Variants in RABGEF1 observed in about 807,000 individuals in gnomAD.
RABGEF1 encodes the protein rab5 GDP/GTP exchange factor.
RABGEF1 carries 26 observed loss-of-function variants against 57.3 expected under a neutral mutation model. The ratio of observed to expected loss-of-function variants is 0.45; its 90% CI spans 0.33 to 0.63. RABGEF1 has a LOEUF of 0.63. Among genes scored for constraint, RABGEF1 ranks in the 20% least tolerant of loss-of-function variants. RABGEF1 has a pLI of 0.02. For synonymous variants in RABGEF1, 185 were observed against 210.7 expected, an observed-to-expected ratio of 0.88 and a Z score of 1.06; for missense variants, 464 against 607.6, an observed-to-expected ratio of 0.76 and a Z score of 2.48.
chr7:66,694,382 G>A (rs374348021), intron 1 of RABGEF1, among the ~76,000 whole-genome samples: 91 of 152,346 alleles, frequency 6.0e-4, no homozygotes, highest in African/African-American at 2.0e-3. Flanking sequence ...AAGATGGAGC[G>A]AGGATCAGTG....
chr7:66,663,335 TTGTG>T, the RABGEF1 span, among the ~76,000 whole-genome samples: 1 of 152,142 alleles, frequency 6.6e-6, no homozygotes, highest in Non-Finnish European at 1.5e-5. Flanking sequence ...CTCTATATTT[TTGTG>T]TGTGTGTCTT....
At chr7:66,774,098 T>C (rs1368466554) in intron 2 of RABGEF1, among the ~76,000 whole-genome samples, 3 of 152,258 alleles carry the variant, frequency 2.0e-5, no homozygotes, top group Admixed American at 1.3e-4. Flanking sequence ...ATGGCATCAC[T>C]ACTTACCAAG....
intron 2 of RABGEF1, among the ~76,000 whole-genome samples, chr7:66,721,346 T>C (rs1407134084): frequency 6.6e-6 from 1 of 152,222 alleles, no homozygotes; most frequent in Non-Finnish European, 1.5e-5. Context: ...TACAAATTTA[T>C]TGCCATACAG....
At chr7:66,671,334 C>T in the RABGEF1 span, among the ~76,000 whole-genome samples, 2 of 152,070 alleles carry the variant, frequency 1.3e-5, no homozygotes, top group African/African-American at 4.8e-5. Flanking sequence ...CATGTGCCAC[C>T]ACACCTGGCT....
intron 2 of RABGEF1, among the ~76,000 whole-genome samples, chr7:66,716,976 G>A (rs567584473): frequency 1.2e-4 from 19 of 152,014 alleles, no homozygotes; most frequent in Non-Finnish European, 2.4e-4. Flanking sequence ...ACGGGGTTTC[G>A]CCATGTTGGC....
At chr7:66,806,164 G>A (rs1347905182) in intron 8 of RABGEF1, among the ~76,000 whole-genome samples, 1 of 152,142 alleles carries the variant, frequency 6.6e-6, no homozygotes, top group Non-Finnish European at 1.5e-5. Flanking sequence ...TGTGTTGAGA[G>A]CCTGGGAACT....
At chr7:66,791,373 T>C (rs1812619004) in intron 4 of RABGEF1, among the ~76,000 whole-genome samples, 1 of 152,196 alleles carries the variant, frequency 6.6e-6, no homozygotes, top group African/African-American at 2.4e-5. Flanking sequence ...TCTCAGAATA[T>C]GAGGACTGCA....
the RABGEF1 span, among the ~76,000 whole-genome samples, chr7:66,675,499 C>T: frequency 6.6e-6 from 1 of 152,048 alleles, no homozygotes; most frequent in East Asian, 1.9e-4. Context: ...TGGTGAAAGA[C>T]TGGAAGCTTT....
At chr7:66,656,011 G>A in the RABGEF1 span, among the ~76,000 whole-genome samples, 11 of 152,286 alleles carry the variant, frequency 7.2e-5, no homozygotes, top group East Asian at 1.9e-4. Flanking sequence ...GGAAGGGATC[G>A]GGGAATACTT....
chr7:66,688,501 G>C (rs938413772), intron 1 of RABGEF1, among the ~76,000 whole-genome samples: 2 of 152,148 alleles, frequency 1.3e-5, no homozygotes, highest in African/African-American at 4.8e-5. Flanking sequence ...AGAGTATATA[G>C]TGTATTAGGC....
the RABGEF1 span, among the ~76,000 whole-genome samples, chr7:66,668,180 C>T: frequency 6.6e-6 from 1 of 152,226 alleles, no homozygotes; most frequent in African/African-American, 2.4e-5. Flanking sequence ...TCACTGCAAC[C>T]TTGAACTCCT....
chr7:66,742,451 G>C (rs562363603), intron 1 of RABGEF1, among the ~76,000 whole-genome samples: 1 of 152,314 alleles, frequency 6.6e-6, no homozygotes, highest in Admixed American at 6.5e-5. Flanking sequence ...AAGGAGCCGG[G>C]CATTTAGGCC....
chr7:66,725,607 T>G (rs191247189), intron 2 of RABGEF1, among the ~76,000 whole-genome samples: 3 of 152,250 alleles, frequency 2.0e-5, no homozygotes, highest in African/African-American at 7.2e-5. Context: ...ATGCTGTTTT[T>G]GTTCCATCCA....
intron 1 of RABGEF1, among the ~76,000 whole-genome samples, chr7:66,699,010 T>G (rs959312257): frequency 6.6e-6 from 1 of 152,212 alleles, no homozygotes; most frequent in Non-Finnish European, 1.5e-5. Flanking sequence ...CAGTCCCACA[T>G]GCAGCGCTGG....
At chr7:66,768,195 G>A (rs1299716295) in intron 1 of RABGEF1, among the ~76,000 whole-genome samples, 1 of 152,116 alleles carries the variant, frequency 6.6e-6, no homozygotes. Context: ...TTACTGTACT[G>A]GACAGTTAAC....
At chr7:66,661,324 C>T in the RABGEF1 span, among the ~76,000 whole-genome samples, 342 of 112,218 alleles carry the variant, frequency 3.0e-3, 1 homozygote, top group Non-Finnish European at 4.3e-3. Flanking sequence ...AAAATGAGGG[C>T]GTTACTGTGA....
the RABGEF1 span, among the ~76,000 whole-genome samples, chr7:66,657,542 C>T: frequency 2.0e-5 from 3 of 152,200 alleles, no homozygotes; most frequent in African/African-American, 7.2e-5. Flanking sequence ...AATAAGAAAG[C>T]CAGCAGTGGT....
At chr7:66,671,929 G>A in the RABGEF1 span, among the ~76,000 whole-genome samples, 1 of 149,704 alleles carries the variant, frequency 6.7e-6, no homozygotes, top group East Asian at 2.0e-4. Flanking sequence ...CAATCCTCCT[G>A]CCTCAGCTTC....
At chr7:66,659,663 C>T in the RABGEF1 span, among the ~76,000 whole-genome samples, 1 of 151,656 alleles carries the variant, frequency 6.6e-6, no homozygotes, top group Non-Finnish European at 1.5e-5. Flanking sequence ...TCCTGTGGTT[C>T]CAGCTACTTG....
Sources: gnomAD v4.1 joint callset for allele counts (sites outside exome capture counted in the v4.1 genomes callset) on GRCh38, gnomAD v4.1.1 for gene constraint, MANE v1.5 for transcripts, NCBI Gene and HGNC (gene_info 2026-07-23, HGNC 2026-07-21) for gene names.